Variants in MAF observed in about 807,000 individuals in gnomAD.
MAF encodes the protein MAF bZIP transcription factor, also known as transcription factor Maf.
A neutral mutation model predicts 22.0 loss-of-function variants in MAF; 10 were observed. That is an observed-to-expected ratio of 0.45 (90% CI 0.28 to 0.77). MAF has a LOEUF of 0.77. Among genes scored for constraint, MAF ranks in the 30% least tolerant of loss-of-function variants. The pLI, the probability that MAF is intolerant of heterozygous loss-of-function variation, is 0.12. For missense variants in MAF, 544 were observed against 548.4 expected (o/e 0.99, Z 0.08); for synonymous variants, 337 against 255.8 (o/e 1.32, Z -3.03).
chr16:79,508,545 A>C, the MAF span, among the ~76,000 whole-genome samples: 4 of 152,132 alleles, frequency 2.6e-5, no homozygotes, highest in African/African-American at 9.7e-5. Context: ...CGTTCTTGGC[A>C]CCTGCTTTGC....
At chr16:79,400,737 CCCGGAGGCAGGAG>C in the MAF span, among the ~76,000 whole-genome samples, 1 of 152,252 alleles carries the variant, frequency 6.6e-6, no homozygotes, top group Admixed American at 6.5e-5. Flanking sequence ...AGACCCTATA[CCCGGAGGCAGGAG>C]CCAGGACTCC....
the MAF span, among the ~76,000 whole-genome samples, chr16:79,515,550 G>C: frequency 6.6e-6 from 1 of 152,342 alleles, no homozygotes; most frequent in East Asian, 1.9e-4. Context: ...GCTAGGCTAG[G>C]ATGCTAGGTA....
the MAF span, among the ~76,000 whole-genome samples, chr16:79,367,303 C>G: frequency 1.3e-5 from 2 of 152,192 alleles, no homozygotes; most frequent in Admixed American, 6.5e-5. Context: ...TCAGTTGTAC[C>G]TTGTCTTATG....
the MAF span, among the ~76,000 whole-genome samples, chr16:79,278,985 C>T: frequency 9.9e-5 from 15 of 152,078 alleles, no homozygotes; most frequent in Admixed American, 5.9e-4. Context: ...TGCTATACCC[C>T]TCAAATATAT....
the MAF span, among the ~76,000 whole-genome samples, chr16:79,395,542 T>TGAGGGGCAGGAATGCCATATGAC: frequency 6.6e-6 from 1 of 152,020 alleles, no homozygotes; most frequent in Admixed American, 6.6e-5. Flanking sequence ...AGAGAGGCAC[T>TGAGGGGCAGGAATGCCATATGAC]GAGGGGCAGG....
At chr16:79,500,320 T>A in the MAF span, among the ~76,000 whole-genome samples, 1 of 152,200 alleles carries the variant, frequency 6.6e-6, no homozygotes, top group Non-Finnish European at 1.5e-5. Flanking sequence ...ACATTCTTCA[T>A]GGGATGGTGT....
At chr16:79,512,032 C>T in the MAF span, among the ~76,000 whole-genome samples, 1 of 152,214 alleles carries the variant, frequency 6.6e-6, no homozygotes, top group Non-Finnish European at 1.5e-5. Flanking sequence ...GCACGAACTT[C>T]TTCTCCAATA....
At position 79,587,350 on chromosome 16, in the gene MAF, G is replaced by C. The variant is rs1322410886; in HGVS notation, c.1119-1409C>G. On this transcript the variant is annotated intron_variant, in intron 1 of 1. Coordinates refer to the MAF transcript ENST00000569649. The stretch of plus-strand genomic sequence containing the variant: ...CAGACTGAAGTGATAAAACCTGGAA[G>C]TGTATCAGTATCAGTTGTTCTCCAT... Among the ~76,000 whole-genome samples the C allele has an allele frequency of 2.0e-5, 3 of 151,994 alleles. No individual in the cohort carries two copies. In the South Asian group the frequency reaches 6.2e-4, roughly 32 times the overall value.
At chr16:79,398,381 T>C in the MAF span, among the ~76,000 whole-genome samples, 2 of 152,236 alleles carry the variant, frequency 1.3e-5, no homozygotes, top group South Asian at 4.1e-4. Context: ...ACATATTCAT[T>C]AACAGAGCAT....
the MAF span, among the ~76,000 whole-genome samples, chr16:79,514,449 T>C: frequency 6.6e-6 from 1 of 152,206 alleles, no homozygotes; most frequent in Non-Finnish European, 1.5e-5. Flanking sequence ...ATATAGTATA[T>C]ATACATGATT....
At chr16:79,383,695 A>G in the MAF span, among the ~76,000 whole-genome samples, 1 of 152,176 alleles carries the variant, frequency 6.6e-6, no homozygotes, top group Non-Finnish European at 1.5e-5. Flanking sequence ...TGTAGGTGTC[A>G]CAGAACCCTG....
chr16:79,453,300 C>G, the MAF span, among the ~76,000 whole-genome samples: 2 of 152,156 alleles, frequency 1.3e-5, no homozygotes, highest in Non-Finnish European at 2.9e-5. Context: ...GCTTCCTAGT[C>G]AAACTCCTCC....
At chr16:79,506,659 T>C in the MAF span, among the ~76,000 whole-genome samples, 3,091 of 152,242 alleles carry the variant, frequency 0.02, 90 homozygotes, top group African/African-American at 0.07. Flanking sequence ...AGGGGCTGGA[T>C]GGAACTGTGT....
At chr16:79,551,949 T>C in the MAF span, among the ~76,000 whole-genome samples, 1 of 152,070 alleles carries the variant, frequency 6.6e-6, no homozygotes, top group Admixed American at 6.6e-5. Context: ...CTTACCTAAT[T>C]CTGCCTCCTG....
the MAF span, among the ~76,000 whole-genome samples, chr16:79,253,731 A>C: frequency 3.1e-3 from 475 of 151,576 alleles, 7 homozygotes; most frequent in Admixed American, 0.023. Context: ...TCTTGGGGGG[A>C]CATTTCGAGC....
the MAF span, among the ~76,000 whole-genome samples, chr16:79,532,146 G>C: frequency 2.6e-5 from 4 of 152,160 alleles, no homozygotes; most frequent in Admixed American, 1.3e-4. Context: ...TGGGCATCTT[G>C]TGACTTTATT....
At chr16:79,558,871 G>C in the MAF span, among the ~76,000 whole-genome samples, 7 of 152,170 alleles carry the variant, frequency 4.6e-5, no homozygotes, top group African/African-American at 1.7e-4. Flanking sequence ...ATTTGACTTT[G>C]AGAGATGATC....
chr16:79,532,235 C>A, the MAF span, among the ~76,000 whole-genome samples: 6 of 152,186 alleles, frequency 3.9e-5, no homozygotes, highest in African/African-American at 1.2e-4. Flanking sequence ...AGACATGGCC[C>A]CCACTCTGGT....
At chr16:79,585,687 TG>T (rs1912794129), downstream of MAF, among the ~76,000 whole-genome samples, 1 of 152,226 alleles carries the variant, frequency 6.6e-6, no homozygotes, top group Non-Finnish European at 1.5e-5. Context: ...CCCTCCTCTT[TG>T]GCACCTAGTG....
Sources: allele counts gnomAD v4.1 joint callset (sites outside exome capture counted in the v4.1 genomes callset), GRCh38; gene constraint gnomAD v4.1.1; transcripts MANE v1.5; gene names NCBI Gene and HGNC (gene_info 2026-07-23, HGNC 2026-07-21).